The following TTC7B variants were observed in gnomAD, a reference collection of about 807,000 sequenced individuals.
TTC7B encodes tetratricopeptide repeat domain 7B.
TTC7B carries 28 observed loss-of-function variants against 106.8 expected under a neutral mutation model. The ratio of observed to expected loss-of-function variants is 0.26; its 90% CI spans 0.19 to 0.36. The LOEUF (loss-of-function observed/expected upper bound fraction) is 0.36, where lower values mean the gene tolerates loss of function less well. Ranked by LOEUF, TTC7B falls within the 10% of genes least tolerant of loss-of-function variation. TTC7B has a pLI of 1.00. For synonymous variants in TTC7B, 405 were observed against 430.6 expected (o/e 0.94, Z 0.74); for missense variants, 862 against 1,076.4 (o/e 0.80, Z 2.79).
At chr14:90,660,646 C>A (rs1006976536) in intron 9 of TTC7B, among the ~76,000 whole-genome samples, 6 of 151,690 alleles carry the variant, frequency 4.0e-5, no homozygotes, top group Non-Finnish European at 5.9e-5. Flanking sequence ...TCAGGATTCA[C>A]GGACAGTGAA....
Position 90,805,486 on chromosome 14 carries a change from G to T in TTC7B, c.121+10689C>A, listed in dbSNP as rs915388105. Among the ~76,000 whole-genome samples the T allele has an allele frequency of 1.3e-5, 2 of 152,118 alleles. No individual in the cohort carries two copies. Among genetic ancestry groups the T allele is most frequent in the East Asian group, 3.9e-4 (2 of 5,180 alleles). ...TCACCATGTTGGCCGGGCTGGTCTC[G>T]AAATCCTCACCTCAGGGGATCTACC... On this transcript the variant is annotated intron_variant, in intron 1 of 19. Coordinates refer to ENST00000328459, the MANE Select transcript of TTC7B (RefSeq NM_001010854.2). This position sits in a 1 kb window ranked among gnomAD's most constrained non-coding sequence, Gnocchi z 4.0.
At chr14:90,767,151 C>T (rs1890717444) in intron 3 of TTC7B, among the ~76,000 whole-genome samples, 1 of 151,882 alleles carries the variant, frequency 6.6e-6, no homozygotes, top group Admixed American at 6.6e-5. Flanking sequence ...CCCAGGAGCT[C>T]AAGGTTACAG....
At chr14:90,672,940 T>A (rs1440351805) in intron 9 of TTC7B, among the ~76,000 whole-genome samples, 2 of 152,202 alleles carry the variant, frequency 1.3e-5, no homozygotes, top group South Asian at 2.1e-4. Context: ...GAGATATACA[T>A]GCACACAATT....
At chr14:90,683,196 C>G (rs1887122312) in intron 7 of TTC7B, among the ~76,000 whole-genome samples, 1 of 152,176 alleles carries the variant, frequency 6.6e-6, no homozygotes. Context: ...CTAAAATTCT[C>G]TATTTAGGTG....
rs2140000007 is a variant in TTC7B, at chr14:90,742,283, C to T, written c.576+2509G>A. Among the ~76,000 whole-genome samples, 1 of 151,602 alleles carries T rather than the reference C, an allele frequency of 6.6e-6. No homozygotes were observed. Among genetic ancestry groups the T allele is most frequent in the South Asian group, 2.1e-4 (1 of 4,774 alleles). ...TTTTTTCTTTTGTTTCTCTCTCTCTCCTTCCCTCCCTTCCTCCCTCCCTCC... is the reference window on the plus strand; with the variant it reads ...TTTTTTCTTTTGTTTCTCTCTCTCTTCTTCCCTCCCTTCCTCCCTCCCTCC... On this transcript the variant is annotated intron_variant, in intron 4 of 19. Coordinates refer to ENST00000328459, the MANE Select transcript of TTC7B (RefSeq NM_001010854.2). The surrounding 1 kb of genome is among the most constrained non-coding windows in gnomAD (Gnocchi z 4.1).
At chr14:90,725,276 C>A (rs1381519484) in intron 5 of TTC7B, among the ~76,000 whole-genome samples, 1 of 152,206 alleles carries the variant, frequency 6.6e-6, no homozygotes, top group Admixed American at 6.5e-5. Context: ...AGCATGCTCA[C>A]GTCCTGGCGG....
chr14:90,719,609 G>C (rs1402745824), intron 5 of TTC7B, among the ~76,000 whole-genome samples: 2 of 152,216 alleles, frequency 1.3e-5, no homozygotes, highest in African/African-American at 2.4e-5. Flanking sequence ...GCTGTCACTT[G>C]AGGTGAAAAG....
intron 18 of TTC7B, 119 bp downstream of exon 18, chr14:90,593,367 C>T (rs1275333861): frequency 3.6e-6 from 5 of 1,396,984 alleles, no homozygotes; most frequent in Non-Finnish European, 3.8e-6. Context: ...TTGATCTCTC[C>T]TAATGAGGGG....
chr14:90,572,894 G>A lies in TTC7B; in HGVS notation c.2310+5212C>T, dbSNP rs191125940. Among the ~76,000 whole-genome samples, 1,055 of 152,208 alleles carry A rather than the reference G, an allele frequency of 6.9e-3. 7 individuals are homozygous for A. The highest frequency in any genetic ancestry group is 0.01 in the Non-Finnish European group (703 of 68,008). Reference sequence around the variant, plus strand: ...ACCCACCACACCTAAGACCCCTCCAGATGAGGCACATGGCCCCCAGCGTAC... The same window carrying A: ...ACCCACCACACCTAAGACCCCTCCAAATGAGGCACATGGCCCCCAGCGTAC... On this transcript the variant is annotated intron_variant, in intron 19 of 19. Transcript: ENST00000328459.
At chr14:90,618,967 G>A (rs1243763003) in intron 15 of TTC7B, among the ~76,000 whole-genome samples, 3 of 152,276 alleles carry the variant, frequency 2.0e-5, no homozygotes, top group Admixed American at 6.5e-5. Flanking sequence ...GCAGTGGCAC[G>A]GTCTTGGCTC....
chr14:90,562,486 A>G (rs758916495), intron 19 of TTC7B, among the ~76,000 whole-genome samples: 1 of 152,234 alleles, frequency 6.6e-6, no homozygotes, highest in Non-Finnish European at 1.5e-5. Flanking sequence ...ACCTAATCAC[A>G]TTCACTCACT....
intron 5 of TTC7B, among the ~76,000 whole-genome samples, chr14:90,719,184 G>A (rs1888784411): frequency 6.6e-6 from 1 of 152,114 alleles, no homozygotes; most frequent in Non-Finnish European, 1.5e-5. Context: ...TGACATGGGA[G>A]GATTGCTTAG....
intron 6 of TTC7B, among the ~76,000 whole-genome samples, chr14:90,695,065 T>A (rs1389266965): frequency 7.4e-5 from 7 of 94,152 alleles, no homozygotes; most frequent in East Asian, 6.9e-4. Context: ...TTTATTTTAT[T>A]ATAAAATATA....
chr14:90,593,163 GAC>G lies in TTC7B; in HGVS notation c.2107+321_2107+322del, dbSNP rs573786965. Among the ~76,000 whole-genome samples, 5 of 152,286 alleles carry G rather than the reference GAC, an allele frequency of 3.3e-5. No homozygotes were observed. The East Asian group carries it at 9.7e-4, about 29-fold the overall frequency. On this transcript the variant is annotated intron_variant, in intron 18 of 19. Transcript: ENST00000328459. ...GCTATGACTCCAAGTCACTCACAAAGACAGTCTCTACAGCACAGACCCTGCAC... is the reference window on the plus strand; with the variant it reads ...GCTATGACTCCAAGTCACTCACAAAGAGTCTCTACAGCACAGACCCTGCAC...
At chr14:90,616,756 T>TCC (rs1414739849) in intron 16 of TTC7B, among the ~76,000 whole-genome samples, 1 of 152,162 alleles carries the variant, frequency 6.6e-6, no homozygotes, top group Non-Finnish European at 1.5e-5. Flanking sequence ...TTCTGCTGCC[T>TCC]CCGTAGCCCT....
chr14:90,779,364 C>T (rs1165487055), intron 3 of TTC7B, among the ~76,000 whole-genome samples: 1 of 152,098 alleles, frequency 6.6e-6, no homozygotes, highest in Non-Finnish European at 1.5e-5. Flanking sequence ...AGTGCAATGG[C>T]GCGATCTCAG....
At chr14:90,744,445 A>G (rs1889883537) in intron 4 of TTC7B, among the ~76,000 whole-genome samples, 1 of 151,976 alleles carries the variant, frequency 6.6e-6, no homozygotes, top group South Asian at 2.1e-4. Flanking sequence ...CAAGTAGCTG[A>G]TTATAGATGC....
intron 19 of TTC7B, among the ~76,000 whole-genome samples, chr14:90,548,094 C>G (rs1239745630): frequency 3.9e-5 from 6 of 152,228 alleles, no homozygotes; most frequent in African/African-American, 1.4e-4. Context: ...TCCAAGTGCT[C>G]TCTACGCCAG....
At chr14:90,696,632 C>A (rs534098768) in intron 5 of TTC7B, among the ~76,000 whole-genome samples, 1 of 152,138 alleles carries the variant, frequency 6.6e-6, no homozygotes, top group South Asian at 2.1e-4. Context: ...GCTATTAATT[C>A]GCATCTTATA....
Sources: allele counts gnomAD v4.1 joint callset (sites outside exome capture counted in the v4.1 genomes callset), GRCh38; gene constraint gnomAD v4.1.1; non-coding constraint Gnocchi (gnomAD v3.1); transcripts MANE v1.5; gene names NCBI Gene and HGNC (gene_info 2026-07-23, HGNC 2026-07-21).